Variants in RANBP17 observed in about 807,000 individuals in gnomAD.
The protein encoded by RANBP17 is RAN binding protein 17.
A neutral mutation model predicts 141.2 loss-of-function variants in RANBP17; 158 were observed. The observed-to-expected ratio is 1.12, with a 90% CI of 0.98 to 1.28. The LOEUF is 1.28. Among genes scored for constraint, RANBP17 ranks in the 50% most tolerant of loss-of-function variants. RANBP17 has a pLI of 0.00. For missense variants in RANBP17, 1,438 were observed against 1,290.7 expected (o/e 1.11, Z -1.75); for synonymous variants, 430 against 450.0 (o/e 0.96, Z 0.56).
intron 21 of RANBP17, among the ~76,000 whole-genome samples, chr5:171,220,941 C>T (rs577916569): frequency 6.6e-6 from 1 of 152,094 alleles, no homozygotes; most frequent in Non-Finnish European, 1.5e-5. Flanking sequence ...GTACTTAATA[C>T]TAAAGCATTT....
At chr5:171,015,311 G>A in intron 14 of RANBP17, among the ~76,000 whole-genome samples, 1 of 151,992 alleles carries the variant, frequency 6.6e-6, no homozygotes, top group East Asian at 1.9e-4. Flanking sequence ...ACTTGATGTT[G>A]CCCAACAGCT....
At position 171,143,997 on chromosome 5, in the gene RANBP17, T is replaced by C. The variant is rs1324046948; in HGVS notation, c.1711-26133T>C. 2.0e-5 allele frequency among the ~76,000 whole-genome samples: 3 copies of C among 152,050 alleles called. No homozygotes were observed. In the East Asian group the frequency reaches 5.8e-4, roughly 29 times the overall value. On this transcript the variant is annotated intron_variant, in intron 14 of 27. Coordinates refer to ENST00000523189, the MANE Select transcript of RANBP17 (RefSeq NM_022897.5). ...CAGCAATTAGGGGAAGGGTTATTAC[T>C]ATAGTTGGGAAGGGCCAGAACAGGA... is the stretch of plus-strand genomic sequence containing the variant.
intron 11 of RANBP17, among the ~76,000 whole-genome samples, chr5:170,920,166 G>A (rs1311504496): frequency 2.6e-5 from 4 of 152,044 alleles, no homozygotes; most frequent in African/African-American, 9.7e-5. Context: ...TTTCTCCTGG[G>A]TAAATAGCTA....
At chr5:171,035,208 T>TA (rs1036784166) in intron 14 of RANBP17, among the ~76,000 whole-genome samples, 8 of 152,144 alleles carry the variant, frequency 5.3e-5, no homozygotes, top group Middle Eastern at 3.4e-3. Context: ...TTATCTATGG[T>TA]AAAAAAATAT....
At chr5:170,876,366 G>A (rs1561846464) in intron 1 of RANBP17, among the ~76,000 whole-genome samples, 1 of 152,054 alleles carries the variant, frequency 6.6e-6, no homozygotes, top group Non-Finnish European at 1.5e-5. Flanking sequence ...ACTGCTTCTA[G>A]TTGGCCATCT....
At chr5:170,881,587 A>C (rs560891596) in intron 2 of RANBP17, among the ~76,000 whole-genome samples, 1 of 152,288 alleles carries the variant, frequency 6.6e-6, no homozygotes, top group South Asian at 2.1e-4. Flanking sequence ...GGCTGTCTAC[A>C]TCTCCCTCAA....
intron 11 of RANBP17, among the ~76,000 whole-genome samples, chr5:170,922,834 G>A (rs188057969): frequency 2.6e-5 from 4 of 152,156 alleles, no homozygotes; most frequent in East Asian, 1.9e-4. Context: ...ACCCACTGTC[G>A]AACCAGTCCC....
At chr5:171,008,953 A>C (rs1448749982) in intron 14 of RANBP17, among the ~76,000 whole-genome samples, 1 of 152,208 alleles carries the variant, frequency 6.6e-6, no homozygotes, top group African/African-American at 2.4e-5. Flanking sequence ...AATTTTCTAT[A>C]GTGCTCCTTT....
At chr5:170,964,650 TG>T (rs1419197895) in intron 13 of RANBP17, among the ~76,000 whole-genome samples, 1 of 152,120 alleles carries the variant, frequency 6.6e-6, no homozygotes, top group Non-Finnish European at 1.5e-5. Context: ...ATGCAGTGTT[TG>T]GTTTTTTGTC....
chr5:171,230,145 A>G (rs760962925), intron 22 of RANBP17, among the ~76,000 whole-genome samples: 3 of 152,176 alleles, frequency 2.0e-5, no homozygotes, highest in Non-Finnish European at 4.4e-5. Context: ...CAAATCAAGA[A>G]AGAATTATGA....
chr5:170,906,865 T>C (rs1432909170), intron 5 of RANBP17, among the ~76,000 whole-genome samples: 2 of 151,976 alleles, frequency 1.3e-5, no homozygotes, highest in African/African-American at 4.8e-5. Flanking sequence ...TTTTCTTGCA[T>C]TGAACCAAGC....
At chr5:171,013,992 C>A (rs79037502) in intron 14 of RANBP17, among the ~76,000 whole-genome samples, 1 of 152,144 alleles carries the variant, frequency 6.6e-6, no homozygotes, top group Non-Finnish European at 1.5e-5. Flanking sequence ...TATACAGTTT[C>A]ACTTTATATA....
intron 14 of RANBP17, among the ~76,000 whole-genome samples, chr5:171,053,206 T>G (rs1182954327): frequency 6.6e-6 from 1 of 152,190 alleles, no homozygotes; most frequent in Non-Finnish European, 1.5e-5. Flanking sequence ...GTTCTCTTTT[T>G]TCTCAACTTT....
At chr5:171,208,940 T>A (rs545331867) in intron 20 of RANBP17, among the ~76,000 whole-genome samples, 1 of 152,368 alleles carries the variant, frequency 6.6e-6, no homozygotes, top group South Asian at 2.1e-4. Context: ...GGAATCCCAT[T>A]TGCTCACTTA....
At chr5:171,035,544 T>C (rs1781817158) in intron 14 of RANBP17, among the ~76,000 whole-genome samples, 1 of 150,794 alleles carries the variant, frequency 6.6e-6, no homozygotes, top group South Asian at 2.1e-4. Flanking sequence ...AGTTTTTTTT[T>C]GTTTTGTTTT....
At chr5:170,982,443 T>G (rs59995246) in intron 14 of RANBP17, among the ~76,000 whole-genome samples, 4,977 of 152,172 alleles carry the variant, frequency 0.033, 146 homozygotes, top group East Asian at 0.12. Context: ...GAAAACAGAA[T>G]TAATATTAAA....
chr5:170,947,280 A>G (rs1364690405), intron 12 of RANBP17, among the ~76,000 whole-genome samples: 1 of 151,976 alleles, frequency 6.6e-6, no homozygotes, highest in Non-Finnish European at 1.5e-5. Flanking sequence ...TGATTTCTTA[A>G]TTCAGTAACC....
chr5:171,050,189 A>AT (rs1315137434), intron 14 of RANBP17, among the ~76,000 whole-genome samples: 1 of 152,060 alleles, frequency 6.6e-6, no homozygotes, highest in Non-Finnish European at 1.5e-5. Context: ...ATTACTTAAC[A>AT]TTTTAGTTTT....
chr5:171,004,553 T>A (rs1334642276), intron 14 of RANBP17, among the ~76,000 whole-genome samples: 1 of 152,154 alleles, frequency 6.6e-6, no homozygotes, highest in Non-Finnish European at 1.5e-5. Context: ...CCGTATCGAT[T>A]AAACAGGGGA....
Sources: allele counts gnomAD v4.1 joint callset (sites outside exome capture counted in the v4.1 genomes callset), GRCh38; gene constraint gnomAD v4.1.1; transcripts MANE v1.5; gene names NCBI Gene and HGNC (gene_info 2026-07-23, HGNC 2026-07-21).